Variants in CNTNAP5 observed in about 807,000 individuals in gnomAD.
The protein encoded by CNTNAP5 is contactin-associated protein-like 5.
A neutral mutation model predicts 150.2 loss-of-function variants in CNTNAP5; 72 were observed. That is an observed-to-expected ratio of 0.48 (90% CI 0.40 to 0.58). The LOEUF (loss-of-function observed/expected upper bound fraction) is 0.58, where lower values mean the gene tolerates loss of function less well. CNTNAP5 is among the 20% of genes least tolerant of loss of function. The probability of loss-of-function intolerance (pLI) is 0.00; values close to 1 mark genes in which losing one functional copy is unlikely to be tolerated. For synonymous variants in CNTNAP5, 672 were observed against 619.8 expected, an observed-to-expected ratio of 1.08 and a Z score of -1.25; for missense variants, 1,636 against 1,626.2, an observed-to-expected ratio of 1.01 and a Z score of -0.10.
chr2:124,432,731 A>C (rs546868967), intron 4 of CNTNAP5, among the ~76,000 whole-genome samples: 1 of 152,190 alleles, frequency 6.6e-6, no homozygotes, highest in Non-Finnish European at 1.5e-5. Context: ...TGAGAAGCCA[A>C]AACATGACAG....
intron 13 of CNTNAP5, among the ~76,000 whole-genome samples, chr2:124,715,799 G>A (rs1247370498): frequency 6.6e-6 from 1 of 152,136 alleles, no homozygotes. Context: ...AAGGAGATTG[G>A]ATATGGGGGA....
chr2:124,179,159 TA>T (rs1312677906), intron 1 of CNTNAP5, among the ~76,000 whole-genome samples: 1 of 149,720 alleles, frequency 6.7e-6, no homozygotes, highest in Non-Finnish European at 1.5e-5. Context: ...TTATTATTAT[TA>T]TTTTTTTTAA....
chr2:124,205,260 T>C (rs1014178880), intron 1 of CNTNAP5, among the ~76,000 whole-genome samples: 1 of 152,154 alleles, frequency 6.6e-6, no homozygotes, highest in Non-Finnish European at 1.5e-5. Flanking sequence ...TGAGATCTGA[T>C]GGTTTTATAA....
chr2:124,387,238 C>T (rs1690952862), intron 3 of CNTNAP5, among the ~76,000 whole-genome samples: 3 of 152,222 alleles, frequency 2.0e-5, no homozygotes, highest in Admixed American at 6.5e-5. Flanking sequence ...GTCATCTTTT[C>T]TGCTGGGGAT....
At chr2:124,067,705 G>A (rs937915628) in intron 1 of CNTNAP5, among the ~76,000 whole-genome samples, 13 of 152,016 alleles carry the variant, frequency 8.6e-5, no homozygotes, top group Admixed American at 6.6e-5. Flanking sequence ...CTTTTTAATC[G>A]TTGTGTTTTC....
At chr2:124,091,301 T>A (rs1319132609) in intron 1 of CNTNAP5, among the ~76,000 whole-genome samples, 1 of 152,146 alleles carries the variant, frequency 6.6e-6, no homozygotes, top group Non-Finnish European at 1.5e-5. Context: ...CAGGCCTGAA[T>A]TTAGTTAACT....
chr2:124,518,480 G>A (rs926723376), intron 8 of CNTNAP5, among the ~76,000 whole-genome samples: 4 of 152,288 alleles, frequency 2.6e-5, no homozygotes, highest in Admixed American at 6.5e-5. Flanking sequence ...TGGTGGGAAT[G>A]TAAAGTAGTG....
At chr2:124,532,167 G>A (rs1347842323) in intron 10 of CNTNAP5, among the ~76,000 whole-genome samples, 1 of 152,088 alleles carries the variant, frequency 6.6e-6, no homozygotes, top group Non-Finnish European at 1.5e-5. Context: ...TATGACTGGG[G>A]TGTCATTTTA....
intron 12 of CNTNAP5, 80 bp from the exon 13 acceptor site, chr2:124,647,678 T>TG: frequency 7.8e-7 from 1 of 1,281,050 alleles, no homozygotes. Context: ...GCACGCTGAG[T>TG]GGCCCATCAC....
chr2:124,234,829 C>A (rs762490443), intron 2 of CNTNAP5, among the ~76,000 whole-genome samples: 3 of 152,174 alleles, frequency 2.0e-5, no homozygotes, highest in Non-Finnish European at 4.4e-5. Context: ...TACTGAGCGT[C>A]TTTCAAAATA....
intron 11 of CNTNAP5, among the ~76,000 whole-genome samples, chr2:124,595,148 G>A (rs1233489473): frequency 6.8e-6 from 1 of 147,674 alleles, no homozygotes; most frequent in Non-Finnish European, 1.5e-5. Flanking sequence ...CTGCCTGATT[G>A]CCCTGGCCAG....
At chr2:124,597,178 T>C (rs1054576940) in intron 11 of CNTNAP5, among the ~76,000 whole-genome samples, 302 of 148,902 alleles carry the variant, frequency 2.0e-3, no homozygotes, top group Admixed American at 4.2e-3. Flanking sequence ...AATTTGATCC[T>C]GTCATTATGA....
chr2:124,772,713 C>G, intron 16 of CNTNAP5, 86 bp from the exon 17 acceptor site: 1 of 969,280 alleles, frequency 1.0e-6, no homozygotes, highest in Non-Finnish European at 1.7e-6. Context: ...TTGATACTGA[C>G]TTACAATCGT....
chr2:124,595,189 TGA>T (rs1194586499), intron 11 of CNTNAP5, among the ~76,000 whole-genome samples: 1 of 142,868 alleles, frequency 7.0e-6, no homozygotes, highest in Non-Finnish European at 1.5e-5. Flanking sequence ...ATAGGAGCGG[TGA>T]GAGAGGGCAT....
intron 1 of CNTNAP5, among the ~76,000 whole-genome samples, chr2:124,085,997 G>A (rs1682679378): frequency 6.6e-6 from 1 of 152,066 alleles, no homozygotes; most frequent in African/African-American, 2.4e-5. Context: ...TTGGTTAATG[G>A]TGTTGAGTTC....
intron 19 of CNTNAP5, among the ~76,000 whole-genome samples, chr2:124,851,678 T>C (rs1012592507): frequency 3.3e-5 from 5 of 152,110 alleles, no homozygotes; most frequent in African/African-American, 1.2e-4. Context: ...GACAAGATTA[T>C]TAGCTGAGAG....
At chr2:124,649,089 T>A (rs1678265632) in intron 13 of CNTNAP5, among the ~76,000 whole-genome samples, 1 of 152,204 alleles carries the variant, frequency 6.6e-6, no homozygotes, top group Non-Finnish European at 1.5e-5. Flanking sequence ...TTTAACTATT[T>A]GAAATGAAAA....
At chr2:124,692,951 C>T (rs959791404) in intron 13 of CNTNAP5, among the ~76,000 whole-genome samples, 6 of 152,080 alleles carry the variant, frequency 3.9e-5, no homozygotes, top group African/African-American at 1.4e-4. Context: ...AAGGGCACAT[C>T]CATCTGTTCT....
chr2:124,217,230 T>A (rs1038923172), intron 1 of CNTNAP5, among the ~76,000 whole-genome samples: 6 of 152,164 alleles, frequency 3.9e-5, no homozygotes, highest in Admixed American at 6.6e-5. Flanking sequence ...TCATTATATT[T>A]TTTTTCTTAA....
Sources: allele counts gnomAD v4.1 joint callset (sites outside exome capture counted in the v4.1 genomes callset), GRCh38; gene constraint gnomAD v4.1.1; transcripts MANE v1.5; gene names NCBI Gene and HGNC (gene_info 2026-07-23, HGNC 2026-07-21).